ANKRD26: variants seen among roughly 807,000 people sequenced by gnomAD.
ANKRD26 encodes ankyrin repeat domain 26.
ANKRD26 carries 141 observed loss-of-function variants against 208.7 expected under a neutral mutation model. The ratio of observed to expected loss-of-function variants is 0.68; its 90% CI spans 0.59 to 0.78. The LOEUF is 0.78. Among genes scored for constraint, ANKRD26 ranks in the 30% least tolerant of loss-of-function variants. The probability of loss-of-function intolerance (pLI) is 0.00; values close to 1 mark genes in which losing one functional copy is unlikely to be tolerated. For synonymous variants in ANKRD26, 636 were observed against 660.4 expected, an observed-to-expected ratio of 0.96 and a Z score of 0.57; for missense variants, 1,889 against 1,938.7, an observed-to-expected ratio of 0.97 and a Z score of 0.48.
intron 7 of ANKRD26, among the ~76,000 whole-genome samples, chr10:27,078,824 T>C (rs1452971528): frequency 1.3e-5 from 2 of 151,964 alleles, no homozygotes; most frequent in South Asian, 2.1e-4. Flanking sequence ...ATAATTTTCC[T>C]GTCACTATGT....
chr10:26,984,054 T>TGGCAAGAA (rs200565434), intron 3 of ANKRD26, among the ~76,000 whole-genome samples: 234 of 152,202 alleles, frequency 1.5e-3, no homozygotes, highest in African/African-American at 4.9e-3. Flanking sequence ...CAGACGGCAG[T>TGGCAAGAA]GGCAAGAAGG....
At chr10:27,002,245 C>T (rs994184143), downstream of ANKRD26, among the ~76,000 whole-genome samples, 3 of 152,078 alleles carry the variant, frequency 2.0e-5, no homozygotes, top group Non-Finnish European at 4.4e-5. Flanking sequence ...TGCTTAGGGG[C>T]CGGGACACAA....
intron 4 of ANKRD26, among the ~76,000 whole-genome samples, chr10:26,999,089 T>C (rs181331748): frequency 2.6e-4 from 39 of 152,312 alleles, no homozygotes; most frequent in Admixed American, 2.5e-3. Flanking sequence ...TTCCCCCATT[T>C]TGCTCCTCTC....
At chr10:27,084,609 T>C (rs2135654925) in intron 5 of ANKRD26, among the ~76,000 whole-genome samples, 1 of 152,308 alleles carries the variant, frequency 6.6e-6, no homozygotes, top group East Asian at 1.9e-4. Flanking sequence ...GTCTCAAGCC[T>C]GTAATCCCAA....
chr10:27,017,333 T>A (rs182855326), intron 30 of ANKRD26, among the ~76,000 whole-genome samples, 169 bp downstream of exon 30: 2 of 152,202 alleles, frequency 1.3e-5, no homozygotes, highest in African/African-American at 4.8e-5. Context: ...AATTTAGTTA[T>A]AATAATGATG....
intron 21 of ANKRD26, among the ~76,000 whole-genome samples, chr10:27,039,182 G>A (rs964361589): frequency 1.3e-5 from 2 of 152,050 alleles, no homozygotes; most frequent in African/African-American, 2.4e-5. Flanking sequence ...GGCCGGGAAC[G>A]GTGGCTCATG....
At chr10:27,075,894 G>T (rs369643130) in intron 9 of ANKRD26, among the ~76,000 whole-genome samples, 1 of 152,134 alleles carries the variant, frequency 6.6e-6, no homozygotes, top group Non-Finnish European at 1.5e-5. Context: ...GAAATCATAT[G>T]AAGTATCTTC....
the ANKRD26 span, among the ~76,000 whole-genome samples, chr10:26,955,505 A>G: frequency 9.4e-3 from 1,427 of 152,166 alleles, 10 homozygotes; most frequent in Middle Eastern, 0.038. Flanking sequence ...ATATATATAT[A>G]TGTGTATAAA....
intron 6 of ANKRD26, among the ~76,000 whole-genome samples, chr10:27,080,436 C>T (rs780282804): frequency 1.3e-5 from 2 of 152,190 alleles, no homozygotes; most frequent in African/African-American, 2.4e-5. Flanking sequence ...GTTATTGGGA[C>T]TACTCACCCC....
At chr10:27,083,061 A>G (rs1433713434) in intron 5 of ANKRD26, among the ~76,000 whole-genome samples, 1 of 151,636 alleles carries the variant, frequency 6.6e-6, no homozygotes, top group African/African-American at 2.4e-5. Context: ...ACAATTTCCT[A>G]CTCCTCATGT....
the ANKRD26 span, among the ~76,000 whole-genome samples, chr10:26,966,502 G>A: frequency 6.6e-6 from 1 of 152,072 alleles, no homozygotes; most frequent in Non-Finnish European, 1.5e-5. Flanking sequence ...GTGAGGGGAG[G>A]GAACTTAGAG....
chr10:26,949,222 C>T, the ANKRD26 span, among the ~76,000 whole-genome samples: 1 of 152,096 alleles, frequency 6.6e-6, no homozygotes, highest in Non-Finnish European at 1.5e-5. Flanking sequence ...TTCACCTACA[C>T]CTCCACACCC....
intron 5 of ANKRD26, among the ~76,000 whole-genome samples, chr10:26,993,432 G>A (rs141634990): frequency 6.6e-6 from 1 of 152,140 alleles, no homozygotes; most frequent in Admixed American, 6.6e-5. Flanking sequence ...CCCTTTGTGT[G>A]GTTTCTTTCT....
intron 20 of ANKRD26, among the ~76,000 whole-genome samples, chr10:27,042,016 A>G (rs1242329923): frequency 6.6e-6 from 1 of 152,098 alleles, no homozygotes; most frequent in Non-Finnish European, 1.5e-5. Flanking sequence ...ATCCTAAAGC[A>G]ACCACTAAGA....
intron 9 of ANKRD26, among the ~76,000 whole-genome samples, chr10:27,075,449 A>G (rs1486872643): frequency 6.6e-6 from 1 of 152,208 alleles, no homozygotes; most frequent in Non-Finnish European, 1.5e-5. Context: ...AGCTATTCCT[A>G]TATCAGATAA....
At chr10:27,029,823 G>C (rs1343048196) in intron 25 of ANKRD26, among the ~76,000 whole-genome samples, 2 of 152,142 alleles carry the variant, frequency 1.3e-5, no homozygotes, top group African/African-American at 4.8e-5. Context: ...TGACATGTTA[G>C]GTGACAACTA....
intron 6 of ANKRD26, among the ~76,000 whole-genome samples, chr10:27,080,494 T>C (rs1487738517): frequency 6.6e-6 from 1 of 152,222 alleles, no homozygotes; most frequent in African/African-American, 2.4e-5. Flanking sequence ...ATTTTCCCTA[T>C]AGAGGTCCTG....
chr10:27,094,690 T>C (rs1338600594), intron 1 of ANKRD26, among the ~76,000 whole-genome samples: 1 of 152,240 alleles, frequency 6.6e-6, no homozygotes, highest in Non-Finnish European at 1.5e-5. Context: ...TTATACCTAG[T>C]TGACAGTATG....
intron 15 of ANKRD26, among the ~76,000 whole-genome samples, chr10:27,054,488 G>C (rs2054774350): frequency 6.6e-6 from 1 of 152,166 alleles, no homozygotes; most frequent in Non-Finnish European, 1.5e-5. Flanking sequence ...GGGAGGCTGA[G>C]TCAGGAAAAT....
Sources: allele counts gnomAD v4.1 joint callset (sites outside exome capture counted in the v4.1 genomes callset), GRCh38; gene constraint gnomAD v4.1.1; transcripts MANE v1.5; gene names NCBI Gene and HGNC (gene_info 2026-07-23, HGNC 2026-07-21).